Variants in SPATC1 observed in about 807,000 individuals in gnomAD.
The protein encoded by SPATC1 is spermatogenesis and centriole associated 1, also known as speriolin.
In SPATC1, 35 loss-of-function variants were observed where a neutral mutation model predicts 36.5. The ratio of observed to expected loss-of-function variants is 0.96; its 90% CI spans 0.73 to 1.27. The LOEUF is 1.27. Ranked by LOEUF, SPATC1 falls within the 50% of genes most tolerant of loss-of-function variation. SPATC1 has a pLI of 0.00. For missense variants in SPATC1, 779 were observed against 796.0 expected (o/e 0.98, Z 0.26); for synonymous variants, 361 against 353.6 (o/e 1.02, Z -0.24).
chr8:144,042,311 A>ATATATATATT (rs1412021347), intron 4 of SPATC1, among the ~76,000 whole-genome samples: 6 of 23,884 alleles, frequency 2.5e-4, no homozygotes, highest in East Asian at 2.0e-3. Flanking sequence ...ATATATATAT[A>ATATATATATT]TTTTTTTTTT....
intron 1 of SPATC1, among the ~76,000 whole-genome samples, chr8:144,024,881 C>G (rs1192300682): frequency 6.6e-6 from 1 of 151,080 alleles, no homozygotes; most frequent in East Asian, 2.0e-4. Context: ...CTTTCAGGAC[C>G]CTCCCACCTC....
At chr8:144,042,885 G>A (rs1360093114) in intron 4 of SPATC1, among the ~76,000 whole-genome samples, 7 of 151,810 alleles carry the variant, frequency 4.6e-5, no homozygotes, top group East Asian at 1.9e-4. Flanking sequence ...ACACTCTGTC[G>A]CCCAGGCTGG....
chr8:144,044,008 T>A (rs1211000845), intron 4 of SPATC1, among the ~76,000 whole-genome samples: 1 of 152,182 alleles, frequency 6.6e-6, no homozygotes, highest in Non-Finnish European at 1.5e-5. Flanking sequence ...CCTTCACACC[T>A]TCCGCTGGTC....
chr8:144,026,847 G>A (rs1445111107), intron 1 of SPATC1, among the ~76,000 whole-genome samples: 1 of 120,918 alleles, frequency 8.3e-6, no homozygotes, highest in Non-Finnish European at 1.6e-5. Flanking sequence ...TCGCTCTGTT[G>A]CCCAGGCTAG....
Position 144,040,835 on chromosome 8 carries a change from T to A in SPATC1, c.1034T>A (p.Val345Asp). 1 of 1,266,502 alleles carries A rather than the reference T, an allele frequency of 7.9e-7. No homozygotes were observed. Among genetic ancestry groups the A allele is most frequent in the Non-Finnish European group, 1.0e-6 (1 of 972,580 alleles). The allele number at this position is 1,266,502 out of a possible 1,614,324, so 78.5% of individuals were successfully genotyped here. ...LASAPALAPQ[V>D]ATSYTPSSTT... ...TCTGCCCCCGCCCTTGCCCCCCAGGTTGCCACCAGCTACACACCCTCAAGC... is the reference window on the plus strand; with the variant it reads ...TCTGCCCCCGCCCTTGCCCCCCAGGATGCCACCAGCTACACACCCTCAAGC... Residue 345 changes from valine to aspartate, a missense_variant, in exon 3 of 5, where the codon GTT (valine) becomes GAT (aspartate). Transcript: ENST00000377470.
At position 144,041,214 on chromosome 8, in the gene SPATC1, G is replaced by A. The variant is rs782233447; in HGVS notation, c.1307-18G>A. 1.6e-5 allele frequency: 25 copies of A among 1,612,892 alleles called. No individual in the cohort carries two copies. The highest frequency in any genetic ancestry group is 1.6e-4 in the Middle Eastern group (1 of 6,062). The stretch of plus-strand genomic sequence containing the variant: ...CTCTCACCCTCTCACCTGGGCTGAC[G>A]AGACCCTGTGTCCCCAGAGTCGAAG... On this transcript the variant is annotated intron_variant, in intron 3 of 4. Transcript: ENST00000377470.
chr8:144,033,375 G>T, intron 1 of SPATC1, among the ~76,000 whole-genome samples: 1 of 151,924 alleles, frequency 6.6e-6, no homozygotes. Flanking sequence ...TCTAGCCTGG[G>T]GCAACAAGAG....
chr8:144,040,496 TG>T (rs562226213), intron 2 of SPATC1, 33 bp downstream of exon 2: 526 of 1,543,332 alleles, frequency 3.4e-4, no homozygotes, highest in Admixed American at 1.2e-3. Flanking sequence ...GGTGGCAGAG[TG>T]GGGGGGGGCA....
chr8:144,040,882 GC>G lies in SPATC1; in HGVS notation c.1087del (p.His363IlefsTer53), dbSNP rs576544596. The G allele has an allele frequency of 5.3e-4, 842 of 1,584,754 alleles. 6 individuals are homozygous for G. Among genetic ancestry groups the G allele is most frequent in the South Asian group, 4.3e-3 (378 of 87,400 alleles). On this transcript the variant is annotated frameshift_variant, in exon 3 of 5. Transcript: ENST00000377470. LOFTEE classifies it high-confidence loss of function. ...AAGCACCACCCACATCGCCCAGGGT[GC>G]CCCCCATCCCCCTTCCCGAATGCAT... Reference protein sequence around the residue: ...PSSTTHIAQGAPHPPSRMHNS... With the variant: ...PSSTTHIAQGXPHPPSRMHNS...
chr8:144,029,434 G>A (rs1834752194), intron 1 of SPATC1, among the ~76,000 whole-genome samples: 1 of 152,100 alleles, frequency 6.6e-6, no homozygotes, highest in Non-Finnish European at 1.5e-5. Flanking sequence ...GACAAGTGTG[G>A]TGTGTGCCTG....
At position 144,040,420 on chromosome 8, in the gene SPATC1, G is replaced by T. The variant is rs1835044042; in HGVS notation, c.723G>T (p.Gly241=). 3 of 1,609,142 alleles carry T rather than the reference G, an allele frequency of 1.9e-6. No individual in the cohort carries two copies. The highest frequency in any genetic ancestry group is 2.5e-6 in the Non-Finnish European group (3 of 1,178,440). The change falls in exon 2 of 5, where the codon GGG becomes GGT. Residue 241 remains glycine, a synonymous_variant. Transcript: ENST00000377470. ...AGCCACTCCGCGGAGGCCCCACTGGGCCCCAGTCCCCAGCTTGCGTGGTAC... is the reference window on the plus strand; with the variant it reads ...AGCCACTCCGCGGAGGCCCCACTGGTCCCCAGTCCCCAGCTTGCGTGGTAC... ...LAEPLRGGPT[G]PQSPACVVPT...
At chr8:144,034,674 T>G (rs1834863431) in intron 1 of SPATC1, among the ~76,000 whole-genome samples, 1 of 151,592 alleles carries the variant, frequency 6.6e-6, no homozygotes, top group Non-Finnish European at 1.5e-5. Flanking sequence ...CAGGCTGGAG[T>G]GGAATGCCAC....
At chr8:144,032,739 G>A in intron 1 of SPATC1, among the ~76,000 whole-genome samples, 1 of 151,610 alleles carries the variant, frequency 6.6e-6, no homozygotes, top group South Asian at 2.1e-4. Context: ...GCAAAATATT[G>A]TAATTTTTGT....
In SPATC1 at chr8:144,040,974, T is replaced by TACCTCATCCTCCC; in HGVS notation, c.1174_1186dup (p.Pro396HisfsTer10). The TACCTCATCCTCCC allele has an allele frequency of 6.2e-6, 10 of 1,611,812 alleles. No homozygotes were observed. Among genetic ancestry groups the TACCTCATCCTCCC allele is most frequent in the Non-Finnish European group, 8.5e-6 (10 of 1,179,692 alleles). ...CACACAACGCCCACTCCCCACCTCGTACCTCATCCTCCCCGGCTTCAGTCA... is the reference window on the plus strand; with the variant it reads ...CACACAACGCCCACTCCCCACCTCGTACCTCATCCTCCCACCTCATCCTCCCCGGCTTCAGTCA... On this transcript the variant is annotated frameshift_variant, in exon 3 of 5. Coordinates refer to ENST00000377470, the MANE Select transcript of SPATC1 (RefSeq NM_198572.3). LOFTEE classifies it high-confidence loss of function.
intron 1 of SPATC1, among the ~76,000 whole-genome samples, chr8:144,018,116 G>A (rs985314450): frequency 5.1e-4 from 78 of 152,306 alleles, no homozygotes; most frequent in African/African-American, 1.8e-3. Flanking sequence ...AGAGAGGCAA[G>A]GGAAACTTCA....
Position 144,046,347 on chromosome 8 carries a change from C to T in SPATC1, c.1447-280C>T, listed in dbSNP as rs1554756740. Reference sequence around the variant, plus strand: ...ACTCCCTGGTGGTGCGTGGAGCAGACGACAGGGTTGGGGCATCCTCTTCCA... The same window carrying T: ...ACTCCCTGGTGGTGCGTGGAGCAGATGACAGGGTTGGGGCATCCTCTTCCA... On this transcript the variant is annotated intron_variant, in intron 4 of 4. Coordinates refer to ENST00000377470, the MANE Select transcript of SPATC1 (RefSeq NM_198572.3). This position sits in a 1 kb window ranked among gnomAD's most constrained non-coding sequence, Gnocchi z 6.6. 6.6e-6 allele frequency among the ~76,000 whole-genome samples: 1 copy of T among 152,136 alleles called. No homozygotes were observed. The highest frequency in any genetic ancestry group is 1.9e-4 in the East Asian group (1 of 5,192).
At chr8:144,026,412 A>G (rs972012942) in intron 1 of SPATC1, among the ~76,000 whole-genome samples, 8 of 152,142 alleles carry the variant, frequency 5.3e-5, no homozygotes, top group South Asian at 2.1e-4. Context: ...GCCGCTATGA[A>G]CATTCATGTA....
chr8:144,018,753 T>C (rs950760845), intron 1 of SPATC1, among the ~76,000 whole-genome samples: 69,536 of 151,020 alleles, frequency 0.46, 17,282 homozygotes, highest in African/African-American at 0.64. Context: ...AATGGGGGGC[T>C]GGGCACGGTG....
At position 144,045,133 on chromosome 8, in the gene SPATC1, A is replaced by C. The variant is rs1460678318; in HGVS notation, c.1447-1494A>C. Among the ~76,000 whole-genome samples, 1 of 152,224 alleles carries C rather than the reference A, an allele frequency of 6.6e-6. No homozygotes were observed. Among genetic ancestry groups the C allele is most frequent in the Non-Finnish European group, 1.5e-5 (1 of 68,034 alleles). On this transcript the variant is annotated intron_variant, in intron 4 of 4. Transcript: ENST00000377470. This position sits in a 1 kb window ranked among gnomAD's most constrained non-coding sequence, Gnocchi z 5.2. ...CATCCCAGCAGGGAAACTGAGGCTCAGTCCCAGTGTGATGCAGAAGCAGCC... is the reference window on the plus strand; with the variant it reads ...CATCCCAGCAGGGAAACTGAGGCTCCGTCCCAGTGTGATGCAGAAGCAGCC...
Sources: gnomAD v4.1 joint callset for allele counts (sites outside exome capture counted in the v4.1 genomes callset) on GRCh38, gnomAD v4.1.1 for gene constraint, Gnocchi (gnomAD v3.1) non-coding constraint, MANE v1.5 for transcripts, NCBI Gene and HGNC (gene_info 2026-07-23, HGNC 2026-07-21) for gene names.